The following FAT3 variants were observed in gnomAD, a reference collection of about 807,000 sequenced individuals.
FAT3 encodes FAT atypical cadherin 3.
A neutral mutation model predicts 310.2 loss-of-function variants in FAT3; 95 were observed. The observed-to-expected ratio is 0.31, with a 90% CI of 0.26 to 0.36. The LOEUF (loss-of-function observed/expected upper bound fraction) is 0.36, where lower values mean the gene tolerates loss of function less well. Among genes scored for constraint, FAT3 ranks in the 10% least tolerant of loss-of-function variants. FAT3 has a pLI of 1.00. For synonymous variants in FAT3, 2,314 were observed against 2,192.9 expected (o/e 1.06, Z -1.54); for missense variants, 5,408 against 5,715.6 (o/e 0.95, Z 1.74).
chr11:92,367,562 T>C (rs1203506397), intron 2 of FAT3, among the ~76,000 whole-genome samples: 2 of 152,088 alleles, frequency 1.3e-5, no homozygotes, highest in African/African-American at 2.4e-5. Context: ...GCCTGGGAAA[T>C]TGAGGCAGCA....
chr11:92,639,544 C>T (rs1941883951), intron 3 of FAT3, among the ~76,000 whole-genome samples: 1 of 152,156 alleles, frequency 6.6e-6, no homozygotes, highest in Non-Finnish European at 1.5e-5. Flanking sequence ...AGGTCCCTAA[C>T]TTACCTGGCC....
At chr11:92,367,874 T>C (rs1949069090) in intron 2 of FAT3, among the ~76,000 whole-genome samples, 1 of 152,184 alleles carries the variant, frequency 6.6e-6, no homozygotes, top group Non-Finnish European at 1.5e-5. Context: ...CAAGGGTTAA[T>C]TGTCAAGGAA....
chr11:92,886,419 G>A (rs1949798887), intron 24 of FAT3, among the ~76,000 whole-genome samples: 1 of 152,060 alleles, frequency 6.6e-6, no homozygotes, highest in Admixed American at 6.6e-5. Context: ...ATGTGGTTAA[G>A]GGCATATCCA....
chr11:92,245,618 C>G (rs1384948094), intron 1 of FAT3, among the ~76,000 whole-genome samples: 1 of 152,138 alleles, frequency 6.6e-6, no homozygotes, highest in South Asian at 2.1e-4. Flanking sequence ...AAGGATCAGA[C>G]AGTAAATATT....
intron 4 of FAT3, among the ~76,000 whole-genome samples, chr11:92,707,193 C>T (rs539232159): frequency 3.9e-5 from 6 of 152,300 alleles, no homozygotes; most frequent in African/African-American, 1.4e-4. Flanking sequence ...AGTAGAGCAG[C>T]GGTAGATGAA....
At chr11:92,508,411 T>C (rs1953185392) in intron 2 of FAT3, among the ~76,000 whole-genome samples, 1 of 152,178 alleles carries the variant, frequency 6.6e-6, no homozygotes, top group African/African-American at 2.4e-5. Context: ...ATGAGATTTG[T>C]ATCAGGGTTG....
intron 3 of FAT3, among the ~76,000 whole-genome samples, chr11:92,663,387 A>G (rs1218267417): frequency 2.0e-5 from 3 of 152,168 alleles, no homozygotes; most frequent in Non-Finnish European, 4.4e-5. Context: ...GGAGAAGCTA[A>G]CGGAGATTAC....
At chr11:92,419,361 G>T (rs1950489655) in intron 2 of FAT3, among the ~76,000 whole-genome samples, 1 of 152,078 alleles carries the variant, frequency 6.6e-6, no homozygotes, top group African/African-American at 2.4e-5. Context: ...AAATAGAAAT[G>T]GCTTCTGGGG....
At chr11:92,584,748 TA>T (rs2135543251) in intron 3 of FAT3, among the ~76,000 whole-genome samples, 1 of 152,170 alleles carries the variant, frequency 6.6e-6, no homozygotes, top group Admixed American at 6.6e-5. Context: ...GTCTGTGTGG[TA>T]ACTATTTATA....
At chr11:92,582,259 C>A (rs889493874) in intron 3 of FAT3, among the ~76,000 whole-genome samples, 1 of 151,872 alleles carries the variant, frequency 6.6e-6, no homozygotes, top group Non-Finnish European at 1.5e-5. Flanking sequence ...TGCCAACCTC[C>A]TATCTCATCC....
chr11:92,681,425 A>T (rs1943477525), intron 3 of FAT3, among the ~76,000 whole-genome samples: 1 of 152,214 alleles, frequency 6.6e-6, no homozygotes, highest in Admixed American at 6.5e-5. Context: ...TTGCCAAGGG[A>T]AGGTCAAGGG....
intron 3 of FAT3, among the ~76,000 whole-genome samples, chr11:92,567,268 A>C (rs995437587): frequency 1.5e-5 from 2 of 132,956 alleles, no homozygotes; most frequent in African/African-American, 5.8e-5. Context: ...TTATGCAGCC[A>C]AAAAACACAT....
intron 17 of FAT3, among the ~76,000 whole-genome samples, chr11:92,839,409 A>G (rs1456638853): frequency 6.6e-6 from 1 of 152,234 alleles, no homozygotes; most frequent in Non-Finnish European, 1.5e-5. Flanking sequence ...TGGTGGTCCC[A>G]CGACTGATTC....
chr11:92,763,646 C>A (rs1274616118), intron 5 of FAT3, among the ~76,000 whole-genome samples: 1 of 152,196 alleles, frequency 6.6e-6, no homozygotes, highest in Non-Finnish European at 1.5e-5. Context: ...AAAGTCCAAT[C>A]CCCTTGCCTC....
In FAT3 at chr11:92,797,846, G is replaced by T. The variant is rs1947215566; in HGVS notation, c.4833G>T (p.Gly1611=). The part of the protein sequence containing the change: ...LIYTIEAGNT[G]NMFKIEPVLG... ...ATTTCTGTATTTTAGGGAACACTGG[G>T]AACATGTTTAAGATCGAACCGGTCC... Residue 1611 remains glycine, a synonymous_variant, in exon 10 of 28, where the codon GGG becomes GGT. Transcript: ENST00000525166. 7 of 1,609,054 alleles carry T rather than the reference G, an allele frequency of 4.4e-6. No individual in the cohort carries two copies. Among genetic ancestry groups the T allele is most frequent in the Non-Finnish European group, 6.0e-6 (7 of 1,175,994 alleles).
intron 1 of FAT3, among the ~76,000 whole-genome samples, chr11:92,350,043 T>G (rs1410084294): frequency 6.6e-6 from 1 of 151,736 alleles, no homozygotes; most frequent in Non-Finnish European, 1.5e-5. Context: ...ATCTAGAGTC[T>G]GCTAGACTCT....
At chr11:92,554,581 G>C (rs558675673) in intron 3 of FAT3, among the ~76,000 whole-genome samples, 131 of 151,100 alleles carry the variant, frequency 8.7e-4, no homozygotes, top group African/African-American at 3.1e-3. Flanking sequence ...GCAACCCCTG[G>C]CTTAGTGCAT....
chr11:92,643,792 A>G (rs914151252), intron 3 of FAT3, among the ~76,000 whole-genome samples: 12 of 152,278 alleles, frequency 7.9e-5, no homozygotes, highest in Non-Finnish European at 1.0e-4. Flanking sequence ...CCACCTAAGC[A>G]CTTTTGTTCT....
chr11:92,845,651 G>A (rs534790599), intron 19 of FAT3, among the ~76,000 whole-genome samples: 2 of 152,280 alleles, frequency 1.3e-5, no homozygotes, highest in African/African-American at 4.8e-5. Context: ...CTGACATGTG[G>A]AGCCATAAAT....
Sources: allele counts gnomAD v4.1 joint callset (sites outside exome capture counted in the v4.1 genomes callset), GRCh38; gene constraint gnomAD v4.1.1; transcripts MANE v1.5; gene names NCBI Gene and HGNC (gene_info 2026-07-23, HGNC 2026-07-21).